Variants in RGS6 observed in about 807,000 individuals in gnomAD.
RGS6 encodes the protein regulator of G-protein signaling 6.
Under a neutral mutation model 78.5 loss-of-function variants are expected in RGS6, and 30 were observed. That is an observed-to-expected ratio of 0.38 (90% CI 0.29 to 0.52). The LOEUF is 0.52. RGS6 is among the 20% of genes least tolerant of loss of function. The pLI, the probability that RGS6 is intolerant of heterozygous loss-of-function variation, is 0.85. For missense variants in RGS6, 495 were observed against 609.7 expected (o/e 0.81, Z 1.98); for synonymous variants, 206 against 206.0 (o/e 1.00, Z 0.00).
intron 2 of RGS6, among the ~76,000 whole-genome samples, chr14:72,213,532 C>G (rs894397852): frequency 6.6e-6 from 1 of 152,276 alleles, no homozygotes; most frequent in Admixed American, 6.5e-5. Context: ...AGCTTGTCTC[C>G]TCCTCCACAG....
chr14:72,557,364 T>C (rs2097594918), intron 17 of RGS6, among the ~76,000 whole-genome samples: 1 of 152,230 alleles, frequency 6.6e-6, no homozygotes, highest in Non-Finnish European at 1.5e-5. Context: ...CACGGAATTC[T>C]TTGCATTCCC....
At chr14:72,300,706 C>T (rs891224846) in intron 2 of RGS6, among the ~76,000 whole-genome samples, 6 of 152,288 alleles carry the variant, frequency 3.9e-5, no homozygotes, top group East Asian at 3.9e-4. Flanking sequence ...CTGAGTCTGG[C>T]GTCTCCTTGA....
intron 2 of RGS6, among the ~76,000 whole-genome samples, chr14:72,153,435 G>A (rs2096722928): frequency 6.6e-6 from 1 of 152,228 alleles, no homozygotes. Flanking sequence ...TTGGATGGAT[G>A]CTGGTCCAAT....
At position 72,562,818 on chromosome 14, in the gene RGS6, T is replaced by C; in HGVS notation, c.*351T>C. On this transcript the variant is annotated 3_prime_UTR_variant, in exon 18 of 18. Coordinates refer to ENST00000553525, the MANE Select transcript of RGS6 (RefSeq NM_001204424.2). Reference sequence around the variant, plus strand: ...ACGACTATCACTTGAGATTATATTATTATCCTCACTCCCTCGCTGTCTGGA... The same window carrying C: ...ACGACTATCACTTGAGATTATATTACTATCCTCACTCCCTCGCTGTCTGGA... 1 of 1,385,622 alleles carries C rather than the reference T, an allele frequency of 7.2e-7. No homozygotes were observed. Among genetic ancestry groups the C allele is most frequent in the Non-Finnish European group, 9.9e-7 (1 of 1,009,708 alleles). The allele number at this position is 1,385,622 out of a possible 1,614,324, so 85.8% of individuals were successfully genotyped here. A position where few individuals can be genotyped will look rare whatever the true frequency, so the allele number is the denominator to read the frequency against.
Position 72,159,889 on chromosome 14 carries a change from A to T in RGS6, c.85-192206A>T, listed in dbSNP as rs1041309834. Among the ~76,000 whole-genome samples, 5 of 152,224 alleles carry T rather than the reference A, an allele frequency of 3.3e-5. No homozygotes were observed. In the East Asian group the frequency reaches 9.6e-4, roughly 29 times the overall value. ...ATTATTAACATGACTACGTCTTGCC[A>T]ATTTGAAACTTTGCAAATATCTGTA... On this transcript the variant is annotated intron_variant, in intron 2 of 17. Coordinates refer to ENST00000553525, the MANE Select transcript of RGS6 (RefSeq NM_001204424.2).
chr14:72,191,624 T>A (rs982939488), intron 2 of RGS6, among the ~76,000 whole-genome samples: 3 of 152,206 alleles, frequency 2.0e-5, no homozygotes, highest in African/African-American at 4.8e-5. Flanking sequence ...ACTTAGTCAC[T>A]ATCACGAGAA....
intron 6 of RGS6, among the ~76,000 whole-genome samples, chr14:72,464,939 G>T (rs1206960261): frequency 6.6e-6 from 1 of 152,222 alleles, no homozygotes; most frequent in Non-Finnish European, 1.5e-5. Flanking sequence ...TAGAGCAGGG[G>T]ACAGTCTAGT....
intron 2 of RGS6, among the ~76,000 whole-genome samples, chr14:72,193,887 T>C (rs1050711686): frequency 6.6e-6 from 1 of 152,058 alleles, no homozygotes; most frequent in African/African-American, 2.4e-5. Context: ...CAGGGATGCA[T>C]GCAAAGGCCA....
intron 2 of RGS6, among the ~76,000 whole-genome samples, chr14:72,027,217 A>AGAG (rs1555440277): frequency 0.028 from 4,231 of 148,916 alleles, 82 homozygotes; most frequent in African/African-American, 0.048. Flanking sequence ...CCTCTGCTTT[A>AGAG]AGAGAGAGAG....
chr14:72,094,612 A>G (rs145987929), intron 2 of RGS6, among the ~76,000 whole-genome samples: 1 of 152,218 alleles, frequency 6.6e-6, no homozygotes, highest in Non-Finnish European at 1.5e-5. Flanking sequence ...CCACCAACAC[A>G]TACACAAACA....
intron 2 of RGS6, among the ~76,000 whole-genome samples, chr14:72,335,985 G>A (rs2075955299): frequency 6.6e-6 from 1 of 152,200 alleles, no homozygotes; most frequent in South Asian, 2.1e-4. Flanking sequence ...TCCTCAGTGT[G>A]AACTGGAAGC....
chr14:71,967,196 T>TATAC (rs1261223853), intron 2 of RGS6, among the ~76,000 whole-genome samples: 1 of 150,996 alleles, frequency 6.6e-6, no homozygotes, highest in Non-Finnish European at 1.5e-5. Context: ...AGAGTATATA[T>TATAC]ATATATATAT....
intron 3 of RGS6, among the ~76,000 whole-genome samples, chr14:72,376,842 C>T (rs947216809): frequency 1.3e-5 from 2 of 152,144 alleles, no homozygotes; most frequent in African/African-American, 2.4e-5. Context: ...GAGAGTCTTA[C>T]ATCTAGAAGC....
At chr14:72,376,520 C>T (rs1442264666) in intron 3 of RGS6, among the ~76,000 whole-genome samples, 1 of 152,146 alleles carries the variant, frequency 6.6e-6, no homozygotes, top group Non-Finnish European at 1.5e-5. Context: ...ATAATCCCCA[C>T]AGGTCCTCTC....
upstream of RGS6, among the ~76,000 whole-genome samples, chr14:71,930,840 G>A (rs969943993): frequency 6.6e-6 from 1 of 151,886 alleles, no homozygotes; most frequent in East Asian, 1.9e-4. Flanking sequence ...CAAAAAATTA[G>A]CTGGCAGGCA....
At chr14:72,549,475 AG>A (rs1180615800) in intron 17 of RGS6, among the ~76,000 whole-genome samples, 1 of 152,192 alleles carries the variant, frequency 6.6e-6, no homozygotes, top group Non-Finnish European at 1.5e-5. Flanking sequence ...CCATCCGGAA[AG>A]GGTGTTTTGT....
chr14:72,506,034 G>T (rs2096794109), intron 13 of RGS6, among the ~76,000 whole-genome samples: 1 of 152,166 alleles, frequency 6.6e-6, no homozygotes, highest in South Asian at 2.1e-4. Context: ...GAATGAAGAG[G>T]CACAGAGGAC....
At chr14:72,084,861 A>G (rs1446167245) in intron 2 of RGS6, among the ~76,000 whole-genome samples, 2 of 152,206 alleles carry the variant, frequency 1.3e-5, no homozygotes, top group African/African-American at 4.8e-5. Flanking sequence ...TTGTTCTCAA[A>G]TAATAAACTA....
chr14:71,995,413 C>G (rs1262399573), intron 2 of RGS6, among the ~76,000 whole-genome samples: 1 of 152,170 alleles, frequency 6.6e-6, no homozygotes, highest in East Asian at 1.9e-4. Flanking sequence ...TGGCCCCTGG[C>G]AGGGTGGAAG....
Sources: allele counts gnomAD v4.1 joint callset (sites outside exome capture counted in the v4.1 genomes callset), GRCh38; gene constraint gnomAD v4.1.1; transcripts MANE v1.5; gene names NCBI Gene and HGNC (gene_info 2026-07-23, HGNC 2026-07-21).